HS3ST5: variants seen among roughly 807,000 people sequenced by gnomAD.
HS3ST5 encodes heparan sulfate glucosamine 3-O-sulfotransferase 5.
A neutral mutation model predicts 25.4 loss-of-function variants in HS3ST5; 10 were observed. The ratio of observed to expected loss-of-function variants is 0.39; its 90% CI spans 0.24 to 0.67. The LOEUF is 0.67. Among genes scored for constraint, HS3ST5 ranks in the 30% least tolerant of loss-of-function variants. The pLI is 0.44. For missense variants in HS3ST5, 324 were observed against 420.7 expected, an observed-to-expected ratio of 0.77 and a Z score of 2.01; for synonymous variants, 170 against 162.4, an observed-to-expected ratio of 1.05 and a Z score of -0.36.
intron 1 of HS3ST5, among the ~76,000 whole-genome samples, chr6:114,299,048 C>G (rs1486478295): frequency 6.6e-6 from 1 of 152,200 alleles, no homozygotes; most frequent in African/African-American, 2.4e-5. Flanking sequence ...CCGGGCGGAA[C>G]AGAGCCATAT....
chr6:114,248,102 G>A (rs1005571500), intron 1 of HS3ST5, among the ~76,000 whole-genome samples: 9 of 151,338 alleles, frequency 5.9e-5, no homozygotes, highest in Non-Finnish European at 1.0e-4. Context: ...TCAGGAGGCT[G>A]AGGCAGGAGA....
intron 1 of HS3ST5, among the ~76,000 whole-genome samples, chr6:114,254,173 C>T (rs932877437): frequency 3.3e-5 from 5 of 152,154 alleles, no homozygotes; most frequent in African/African-American, 1.2e-4. Context: ...GGTGGAGCCT[C>T]CTGGCAGCCA....
At chr6:114,257,173 T>G (rs2114652897) in intron 1 of HS3ST5, among the ~76,000 whole-genome samples, 1 of 152,292 alleles carries the variant, frequency 6.6e-6, no homozygotes, top group South Asian at 2.1e-4. Context: ...CAAGATAAGA[T>G]TTGGATGGGG....
chr6:114,245,610 T>C (rs547216299), intron 1 of HS3ST5, among the ~76,000 whole-genome samples: 1 of 152,190 alleles, frequency 6.6e-6, no homozygotes, highest in South Asian at 2.1e-4. Context: ...TACAAGGACA[T>C]TGAAGCATAA....
At chr6:114,212,203 T>C (rs1781537367) in intron 2 of HS3ST5, among the ~76,000 whole-genome samples, 1 of 152,216 alleles carries the variant, frequency 6.6e-6, no homozygotes, top group Non-Finnish European at 1.5e-5. Flanking sequence ...GAGTCTCCTC[T>C]CTAGGATACA....
intron 1 of HS3ST5, among the ~76,000 whole-genome samples, chr6:114,252,635 T>C (rs2114632336): frequency 6.6e-6 from 1 of 151,164 alleles, no homozygotes; most frequent in South Asian, 2.1e-4. Context: ...CAATGCCTTC[T>C]TTTGAAAAAA....
chr6:114,171,520 G>C (rs544814243), intron 2 of HS3ST5, among the ~76,000 whole-genome samples: 2 of 152,210 alleles, frequency 1.3e-5, no homozygotes, highest in East Asian at 3.9e-4. Context: ...TCTAAGCTGT[G>C]CACATTTGTC....
rs1436546293 is a variant in HS3ST5, at chr6:114,058,197, G to A, written c.108-7C>T. 3 of 1,588,734 alleles carry A rather than the reference G, an allele frequency of 1.9e-6. No homozygotes were observed. The highest frequency in any genetic ancestry group is 4.5e-5 in the East Asian group (2 of 44,268). On this transcript the variant is annotated splice_region_variant and splice_polypyrimidine_tract_variant and intron_variant, in intron 4 of 4. Coordinates refer to ENST00000312719, the MANE Select transcript of HS3ST5 (RefSeq NM_153612.4). Reference sequence around the variant, plus strand: ...GGGGCAAATGGGTTGTAGCCTGCAAGCAAGACAGAGACACTTTAAGCTCAT... The same window carrying A: ...GGGGCAAATGGGTTGTAGCCTGCAAACAAGACAGAGACACTTTAAGCTCAT...
At chr6:114,142,029 T>C (rs1208335414) in intron 3 of HS3ST5, among the ~76,000 whole-genome samples, 1 of 152,152 alleles carries the variant, frequency 6.6e-6, no homozygotes, top group African/African-American at 2.4e-5. Flanking sequence ...GCTGGTTGTT[T>C]GTAATATTCA....
chr6:114,125,490 T>C (rs536279513), intron 3 of HS3ST5, among the ~76,000 whole-genome samples: 2 of 152,360 alleles, frequency 1.3e-5, no homozygotes, highest in African/African-American at 4.8e-5. Context: ...TTATCTTTTT[T>C]ATGAAGGTTC....
At chr6:114,254,221 C>T (rs1324242108) in intron 1 of HS3ST5, among the ~76,000 whole-genome samples, 3 of 152,196 alleles carry the variant, frequency 2.0e-5, no homozygotes, top group Non-Finnish European at 1.5e-5. Flanking sequence ...TGTCCCTGCC[C>T]CACCTGAGAT....
At chr6:114,154,200 A>T (rs1778590757) in intron 3 of HS3ST5, among the ~76,000 whole-genome samples, 1 of 152,170 alleles carries the variant, frequency 6.6e-6, no homozygotes, top group Non-Finnish European at 1.5e-5. Flanking sequence ...GCCAGCTCTG[A>T]CTTTTTGCAG....
chr6:114,085,390 C>G (rs1774741169), intron 3 of HS3ST5, among the ~76,000 whole-genome samples: 1 of 152,098 alleles, frequency 6.6e-6, no homozygotes, highest in South Asian at 2.1e-4. Context: ...GAATCAGAAC[C>G]CAAACTCAAG....
intron 3 of HS3ST5, among the ~76,000 whole-genome samples, chr6:114,152,136 A>T (rs562805984): frequency 2.0e-5 from 3 of 152,050 alleles, no homozygotes; most frequent in African/African-American, 7.2e-5. Flanking sequence ...GTTAGCCAGG[A>T]TGGTCTCGAA....
At chr6:114,243,309 A>AAT (rs1772227289) in intron 1 of HS3ST5, among the ~76,000 whole-genome samples, 2 of 152,314 alleles carry the variant, frequency 1.3e-5, no homozygotes, top group African/African-American at 4.8e-5. Context: ...CAGAAGTGAA[A>AAT]TCATCAGAAC....
At chr6:114,229,243 T>C (rs1391715584) in intron 1 of HS3ST5, among the ~76,000 whole-genome samples, 1 of 152,242 alleles carries the variant, frequency 6.6e-6, no homozygotes, top group Non-Finnish European at 1.5e-5. Context: ...TAATTAGGTA[T>C]AAACAAGAAA....
intron 1 of HS3ST5, among the ~76,000 whole-genome samples, chr6:114,250,544 G>A (rs1360368885): frequency 6.7e-6 from 1 of 150,068 alleles, no homozygotes; most frequent in Non-Finnish European, 1.5e-5. Flanking sequence ...TCACGCCACT[G>A]CACTCCAGCC....
chr6:114,204,610 T>C (rs1422664624), intron 2 of HS3ST5, among the ~76,000 whole-genome samples: 1 of 152,110 alleles, frequency 6.6e-6, no homozygotes, highest in East Asian at 1.9e-4. Flanking sequence ...TTTTAAAGTA[T>C]TTTTTTGGGT....
Position 114,057,427 on chromosome 6 carries a change from C to A in HS3ST5, c.871G>T (p.Gly291Trp). 1 of 1,614,158 alleles carries A rather than the reference C, an allele frequency of 6.2e-7. No individual in the cohort carries two copies. Among genetic ancestry groups the A allele is most frequent in the Non-Finnish European group, 8.5e-7 (1 of 1,180,040 alleles). ...ATATTAAACCGCAAGCAGTAAAACCCTCTGGTAGCATTGAAGTATAAATTG... is the reference window on the plus strand; with the variant it reads ...ATATTAAACCGCAAGCAGTAAAACCATCTGGTAGCATTGAAGTATAAATTG... ...QYNLYFNATR[G>W]FYCLRFNIIF... Residue 291 changes from glycine (G) to tryptophan (W), a missense_variant, in exon 5 of 5, where the codon GGG becomes TGG. By Grantham distance (184) the Gly-to-Trp change is radical. This residue lies in a region of HS3ST5 where 203 missense variants were observed against 303.4 expected (regional missense o/e 0.67). Transcript: ENST00000312719.
Sources: gnomAD v4.1 joint callset for allele counts (sites outside exome capture counted in the v4.1 genomes callset) on GRCh38, gnomAD v4.1.1 for gene constraint, gnomAD v4.1.1 regional missense constraint, MANE v1.5 for transcripts, NCBI Gene and HGNC (gene_info 2026-07-23, HGNC 2026-07-21) for gene names.